RYR2: variants seen among roughly 807,000 people sequenced by gnomAD.
The protein encoded by RYR2 is cardiac muscle ryanodine receptor-calcium release channel.
In RYR2, 227 loss-of-function variants were observed where a neutral mutation model predicts 601.1. The observed-to-expected ratio is 0.38, with a 90% confidence interval of 0.34 to 0.42. The LOEUF is 0.42. Ranked by LOEUF, RYR2 falls within the 10% of genes least tolerant of loss-of-function variation. RYR2 has a pLI of 1.00. For synonymous variants in RYR2, 2,223 were observed against 2,175.1 expected (o/e 1.02, Z -0.61); for missense variants, 4,646 against 6,156.5 (o/e 0.75, Z 8.21).
chr1:237,707,101 T>C lies in RYR2; in HGVS notation c.9733T>C (p.Tyr3245His). The C allele has an allele frequency of 6.2e-7, 1 of 1,613,924 alleles. No homozygotes were observed. Among genetic ancestry groups the C allele is most frequent in the African/African-American group, 1.3e-5 (1 of 75,002 alleles). The change falls in exon 68 of 105, where the codon TAC becomes CAC. Residue 3245 changes from tyrosine (Y) to histidine (H), a missense_variant. Physicochemically the swap from Tyr to His is moderately conservative, Grantham distance 83 (BLOSUM62 2). Around this residue, in one of 17 missense-constraint regions of RYR2, gnomAD observed 1,497 missense variants for 1,842.6 expected, o/e 0.81. Transcript: ENST00000366574. Reference sequence around the variant, plus strand: ...AGTCATACTGCCCATGCTTTGCAGCTACATGTCTCGTTGGTGGGAGCATGG... The same window carrying C: ...AGTCATACTGCCCATGCTTTGCAGCCACATGTCTCGTTGGTGGGAGCATGG... ...MEVILPMLCS[Y>H]MSRWWEHGPE...
intron 51 of RYR2, 60 bp from the exon 52 acceptor site, chr1:237,654,214 G>GA (rs3831940): frequency 1.4e-4 from 212 of 1,563,216 alleles, no homozygotes; most frequent in East Asian, 1.8e-4. Context: ...GAGGAGAAAT[G>GA]AAAAAAAAAT....
At chr1:237,328,103 A>C (rs955565665) in intron 2 of RYR2, among the ~76,000 whole-genome samples, 2 of 152,150 alleles carry the variant, frequency 1.3e-5, no homozygotes, top group African/African-American at 2.4e-5. Flanking sequence ...ATCAGCAGTG[A>C]TTGGAGTATT....
chr1:237,507,014 T>A (rs921583134), intron 23 of RYR2, among the ~76,000 whole-genome samples, 200 bp downstream of exon 23: 4 of 152,224 alleles, frequency 2.6e-5, no homozygotes, highest in African/African-American at 9.6e-5. Context: ...ATTGGCAGGT[T>A]CACTGAAGGA....
At position 237,267,531 on chromosome 1, in the gene RYR2, A is replaced by AAAGAG. The variant is rs574893175; in HGVS notation, c.49-2951_49-2947dup. 1.8e-4 allele frequency: 39 copies of AAAGAG among 218,994 alleles called. 2 individuals carry two copies. Among genetic ancestry groups the AAAGAG allele is most frequent in the South Asian group, 9.8e-4 (24 of 24,542 alleles). 13.6% of individuals were successfully genotyped at this position (218,994 alleles called of 1,614,324 possible). A position where few individuals can be genotyped will look rare whatever the true frequency, so the allele number is the denominator to read the frequency against. ...TGAGACTCTGCCTCAAGAAAAGAAA[A>AAAGAG]AAGAGAAGAGAAGAGAAGAAAAGAA... is the stretch of plus-strand genomic sequence containing the variant. On this transcript the variant is annotated intron_variant, in intron 1 of 104. Coordinates refer to ENST00000366574, the MANE Select transcript of RYR2 (RefSeq NM_001035.3).
At chr1:237,593,347 C>T (rs1675445516) in intron 32 of RYR2, 129 bp from the exon 33 acceptor site, 2 of 812,198 alleles carry the variant, frequency 2.5e-6, no homozygotes, top group Admixed American at 3.4e-5. Context: ...TTTCATTCAC[C>T]CAAACGGTTT....
chr1:237,150,047 A>G (rs1674539221), intron 1 of RYR2, among the ~76,000 whole-genome samples: 1 of 152,242 alleles, frequency 6.6e-6, no homozygotes. Flanking sequence ...GAGAACTTAT[A>G]TATGCCAGGC....
intron 79 of RYR2, among the ~76,000 whole-genome samples, chr1:237,738,619 G>C (rs936322914): frequency 2.0e-5 from 3 of 151,936 alleles, no homozygotes; most frequent in Non-Finnish European, 4.4e-5. Flanking sequence ...AATATTTTGG[G>C]CTCTACTTAT....
At chr1:237,345,930 A>C (rs2149642298) in intron 3 of RYR2, among the ~76,000 whole-genome samples, 1 of 152,300 alleles carries the variant, frequency 6.6e-6, no homozygotes, top group African/African-American at 2.4e-5. Flanking sequence ...AATTCTGATA[A>C]GTAGCCTCCA....
chr1:237,674,714 C>CATT lies in RYR2; in HGVS notation c.8715-16_8715-14dup, dbSNP rs1236198880. 1.3e-6 allele frequency: 2 copies of CATT among 1,501,340 alleles called. No individual in the cohort carries two copies. The highest frequency in any genetic ancestry group is 1.9e-6 in the Non-Finnish European group (2 of 1,079,218). The allele number at this position is 1,501,340 out of a possible 1,614,324, so 93.0% of individuals were successfully genotyped here. A position where few individuals can be genotyped will look rare whatever the true frequency, so the allele number is the denominator to read the frequency against. On this transcript the variant is annotated splice_polypyrimidine_tract_variant and intron_variant, in intron 59 of 104. Coordinates refer to ENST00000366574, the MANE Select transcript of RYR2 (RefSeq NM_001035.3). ...TTTGTACAAATTGCTTTCCCATTTT[C>CATT]ATTTTTGCTCTTCCAGAGGATTTAA...
At chr1:237,275,092 GCACACACA>G (rs111310759) in intron 2 of RYR2, among the ~76,000 whole-genome samples, 1 of 144,650 alleles carries the variant, frequency 6.9e-6, no homozygotes. Flanking sequence ...ACACATACAC[GCACACACA>G]CACACACACA....
chr1:237,330,388 G>A (rs1020553982), intron 2 of RYR2, among the ~76,000 whole-genome samples: 7 of 152,092 alleles, frequency 4.6e-5, no homozygotes, highest in Non-Finnish European at 1.5e-5. Context: ...CTGTGTTTTT[G>A]TTGTTGTTGT....
At chr1:237,709,299 A>G (rs978285310) in intron 69 of RYR2, among the ~76,000 whole-genome samples, 181 bp from the exon 70 acceptor site, 22 of 152,180 alleles carry the variant, frequency 1.4e-4, no homozygotes, top group Non-Finnish European at 2.8e-4. Flanking sequence ...CTGATTTTGC[A>G]TGTAAAAGTT....
At chr1:237,464,287 T>A (rs1659816399) in intron 16 of RYR2, among the ~76,000 whole-genome samples, 1 of 152,172 alleles carries the variant, frequency 6.6e-6, no homozygotes, top group African/African-American at 2.4e-5. Context: ...GCTTTTTTAT[T>A]GTCGTCTATT....
chr1:237,224,875 TAA>T (rs1293256020), intron 1 of RYR2, among the ~76,000 whole-genome samples: 1 of 152,142 alleles, frequency 6.6e-6, no homozygotes, highest in African/African-American at 2.4e-5. Flanking sequence ...AAAAAAATTA[TAA>T]GTTACTATTT....
In RYR2 at chr1:237,784,667, G is replaced by C; in HGVS notation, c.12955G>C (p.Val4319Leu). The C allele has an allele frequency of 6.2e-7, 1 of 1,612,864 alleles. No individual in the cohort carries two copies. Among genetic ancestry groups the C allele is most frequent in the Non-Finnish European group, 8.5e-7 (1 of 1,179,414 alleles). The change falls in exon 90 of 105, where the codon GTC (valine) becomes CTC (leucine). Residue 4319 changes from valine to leucine, a missense_variant. Physicochemically the swap from Val to Leu is conservative, Grantham distance 32. Transcript: ENST00000366574. This position sits in a 1 kb window ranked among gnomAD's most constrained non-coding sequence, Gnocchi z 7.1. ...CAGCCTGCTGCTTGGGGGAAGCCTC[G>C]TCGAAGGTGCTAAAAAGATCAAAGT... ...ICSLLLGGSL[V>L]EGAKKIKVAE...
intron 19 of RYR2, among the ~76,000 whole-genome samples, chr1:237,494,988 A>T (rs955424819): frequency 6.6e-5 from 10 of 151,980 alleles, no homozygotes; most frequent in African/African-American, 2.4e-4. Flanking sequence ...ACGGGGTTTC[A>T]CCATGTTGGC....
At chr1:237,195,301 T>C (rs1218928347) in intron 1 of RYR2, among the ~76,000 whole-genome samples, 1 of 152,196 alleles carries the variant, frequency 6.6e-6, no homozygotes, top group Non-Finnish European at 1.5e-5. Flanking sequence ...TTGCCCAAAC[T>C]GGAGTGCAAT....
At position 237,610,360 on chromosome 1, in the gene RYR2, G is replaced by C. The variant is rs1020689276; in HGVS notation, c.4684-402G>C. On this transcript the variant is annotated intron_variant, in intron 35 of 104. Transcript: ENST00000366574. This position sits in a 1 kb window ranked among gnomAD's most constrained non-coding sequence, Gnocchi z 4.9. The stretch of plus-strand genomic sequence containing the variant: ...GACAGAGAACAGATATTGAGAGAGA[G>C]AGCCAGGGGGATGTGACATATCTGT... 2.6e-5 allele frequency among the ~76,000 whole-genome samples: 4 copies of C among 152,180 alleles called. No individual in the cohort carries two copies. The highest frequency in any genetic ancestry group is 9.7e-5 in the African/African-American group (4 of 41,434).
At chr1:237,737,955 T>C (rs1203564166) in intron 79 of RYR2, among the ~76,000 whole-genome samples, 1 of 152,226 alleles carries the variant, frequency 6.6e-6, no homozygotes, top group Admixed American at 6.5e-5. Context: ...TTTTAGACTA[T>C]TGTTGATTAT....
Sources: gnomAD v4.1 joint callset for allele counts (sites outside exome capture counted in the v4.1 genomes callset) on GRCh38, gnomAD v4.1.1 for gene constraint, gnomAD v4.1.1 regional missense constraint, Gnocchi (gnomAD v3.1) non-coding constraint, MANE v1.5 for transcripts, NCBI Gene and HGNC (gene_info 2026-07-23, HGNC 2026-07-21) for gene names.